Variants in ERBB4 observed in about 807,000 individuals in gnomAD.
ERBB4 encodes erb-b2 receptor tyrosine kinase 4, also known as receptor tyrosine-protein kinase erbB-4.
A neutral mutation model predicts 158.0 loss-of-function variants in ERBB4; 42 were observed. That is an observed-to-expected ratio of 0.27 (90% CI 0.21 to 0.34). The LOEUF (loss-of-function observed/expected upper bound fraction) is 0.34. ERBB4 is among the 10% of genes least tolerant of loss of function. The pLI is 1.00. For missense variants in ERBB4, 1,333 were observed against 1,624.1 expected (o/e 0.82, Z 3.08); for synonymous variants, 583 against 558.7 (o/e 1.04, Z -0.61).
chr2:211,592,920 A>G (rs1456427359), intron 19 of ERBB4, among the ~76,000 whole-genome samples: 1 of 151,898 alleles, frequency 6.6e-6, no homozygotes, highest in East Asian at 1.9e-4. Flanking sequence ...CTGAGGCAGG[A>G]GAATCGCTTG....
chr2:212,477,057 A>C (rs935455314), intron 1 of ERBB4, among the ~76,000 whole-genome samples: 3 of 152,200 alleles, frequency 2.0e-5, no homozygotes, highest in East Asian at 3.8e-4. Context: ...GTGTAATTAA[A>C]AAGATTAAAT....
At chr2:212,131,664 C>A (rs1488302957) in intron 1 of ERBB4, among the ~76,000 whole-genome samples, 1 of 152,140 alleles carries the variant, frequency 6.6e-6, no homozygotes, top group East Asian at 1.9e-4. Flanking sequence ...TATTACTACT[C>A]CACAATGGAG....
intron 3 of ERBB4, among the ~76,000 whole-genome samples, chr2:211,936,759 C>T (rs974084913): frequency 6.6e-6 from 1 of 151,896 alleles, no homozygotes; most frequent in African/African-American, 2.4e-5. Context: ...ATCTCTTTTC[C>T]CCGTAGAAGT....
chr2:211,772,916 C>CATATATATATATAT (rs777305120), intron 4 of ERBB4, among the ~76,000 whole-genome samples: 3 of 63,262 alleles, frequency 4.7e-5, no homozygotes, highest in African/African-American at 2.3e-4. Context: ...TATACACACA[C>CATATATATATATAT]ACACACACAT....
chr2:212,470,760 T>TAA (rs1028250551), intron 1 of ERBB4, among the ~76,000 whole-genome samples: 9 of 152,108 alleles, frequency 5.9e-5, no homozygotes, highest in African/African-American at 2.2e-4. Flanking sequence ...GAATATACAC[T>TAA]AAAGGGCTAA....
intron 1 of ERBB4, among the ~76,000 whole-genome samples, chr2:212,496,246 AACAG>A (rs776124727): frequency 6.6e-5 from 10 of 151,916 alleles, no homozygotes; most frequent in African/African-American, 1.2e-4. Flanking sequence ...CTAAATATGG[AACAG>A]ACAAAGTATA....
intron 19 of ERBB4, among the ~76,000 whole-genome samples, chr2:211,589,041 C>A (rs2068380529): frequency 6.6e-6 from 1 of 152,030 alleles, no homozygotes; most frequent in South Asian, 2.1e-4. Flanking sequence ...TGTTCAAATC[C>A]TGAAAATCTA....
intron 20 of ERBB4, among the ~76,000 whole-genome samples, chr2:211,460,347 T>C (rs1441870622): frequency 6.6e-6 from 1 of 152,168 alleles, no homozygotes; most frequent in Non-Finnish European, 1.5e-5. Flanking sequence ...GTATTACACA[T>C]GAAGCCTTGC....
intron 1 of ERBB4, among the ~76,000 whole-genome samples, chr2:212,334,707 T>A (rs903306482): frequency 3.9e-5 from 6 of 152,028 alleles, no homozygotes; most frequent in Non-Finnish European, 8.8e-5. Flanking sequence ...GTTACATGAA[T>A]GAATGAACAT....
At chr2:212,305,119 T>G (rs2106219181) in intron 1 of ERBB4, among the ~76,000 whole-genome samples, 1 of 151,582 alleles carries the variant, frequency 6.6e-6, no homozygotes, top group East Asian at 2.0e-4. Context: ...TTATAATGGT[T>G]GATCCAGTCT....
At chr2:211,951,432 C>T (rs1016981402) in intron 2 of ERBB4, among the ~76,000 whole-genome samples, 1 of 152,036 alleles carries the variant, frequency 6.6e-6, no homozygotes, top group African/African-American at 2.4e-5. Context: ...AAGAAAAATG[C>T]TGAACACATA....
At chr2:212,346,893 G>A (rs4630710) in intron 1 of ERBB4, among the ~76,000 whole-genome samples, 119,259 of 152,038 alleles carry the variant, frequency 0.78, 47,168 homozygotes, top group Middle Eastern at 0.86. Flanking sequence ...ATACTAAGCC[G>A]CATTTACATT....
At chr2:211,805,722 A>T (rs1453875257) in intron 3 of ERBB4, among the ~76,000 whole-genome samples, 1 of 152,186 alleles carries the variant, frequency 6.6e-6, no homozygotes, top group Non-Finnish European at 1.5e-5. Flanking sequence ...ACCAATACCA[A>T]AAATAGATAA....
In ERBB4 at chr2:211,645,305, A is replaced by G. The variant is rs114081015; in HGVS notation, c.1946+12449T>C. Among the ~76,000 whole-genome samples the G allele has an allele frequency of 4.5e-3, 687 of 151,898 alleles. 4 individuals carry two copies. Among genetic ancestry groups the G allele is most frequent in the African/African-American group, 0.016 (663 of 41,526 alleles). Reference sequence around the variant, plus strand: ...GAAAGACAGAGAGGGAGAAGCCCTCACAATCTATTCTTAGTGTTTTATAAA... The same window carrying G: ...GAAAGACAGAGAGGGAGAAGCCCTCGCAATCTATTCTTAGTGTTTTATAAA... On this transcript the variant is annotated intron_variant, in intron 16 of 27. Transcript: ENST00000342788.
chr2:211,865,216 T>C (rs1284556173), intron 3 of ERBB4, among the ~76,000 whole-genome samples: 3 of 151,158 alleles, frequency 2.0e-5, no homozygotes, highest in Non-Finnish European at 4.4e-5. Flanking sequence ...TATATATCTA[T>C]ATGTATATAT....
chr2:212,356,720 TAA>T (rs5838325), intron 1 of ERBB4, among the ~76,000 whole-genome samples: 36 of 149,208 alleles, frequency 2.4e-4, no homozygotes, highest in Non-Finnish European at 5.0e-4. Flanking sequence ...TGAACCCATG[TAA>T]AAAAAAAACA....
chr2:212,021,219 A>T (rs929071174), intron 2 of ERBB4, among the ~76,000 whole-genome samples: 2 of 152,146 alleles, frequency 1.3e-5, no homozygotes, highest in Non-Finnish European at 2.9e-5. Flanking sequence ...TAGAATTCCT[A>T]TTCAATAGGT....
At position 212,514,534 on chromosome 2, in the gene ERBB4, C is replaced by T. The variant is rs140923241; in HGVS notation, c.82+23915G>A. ...AATAAATTCATTGCTAGGCTGGGCA[C>T]GGTGGCTCATGCCTGTAATCCCAGC... On this transcript the variant is annotated intron_variant, in intron 1 of 27. Coordinates refer to ENST00000342788, the MANE Select transcript of ERBB4 (RefSeq NM_005235.3). Among the ~76,000 whole-genome samples the T allele has an allele frequency of 7.2e-5, 11 of 152,194 alleles. No individual in the cohort carries two copies. The East Asian group carries it at 1.4e-3, about 19-fold the overall frequency.
At chr2:211,419,835 G>C (rs1284458090) in intron 25 of ERBB4, among the ~76,000 whole-genome samples, 2 of 152,024 alleles carry the variant, frequency 1.3e-5, no homozygotes, top group Admixed American at 1.3e-4. Flanking sequence ...AATTCATATA[G>C]AGTAGGTTTA....
Sources: allele counts gnomAD v4.1 joint callset (sites outside exome capture counted in the v4.1 genomes callset), GRCh38; gene constraint gnomAD v4.1.1; transcripts MANE v1.5; gene names NCBI Gene and HGNC (gene_info 2026-07-23, HGNC 2026-07-21).